EPHA6: variants seen among roughly 807,000 people sequenced by gnomAD.
The protein encoded by EPHA6 is ephrin type-A receptor 6.
Under a neutral mutation model 112.0 loss-of-function variants are expected in EPHA6, and 50 were observed. The observed-to-expected ratio is 0.45, with a 90% CI of 0.36 to 0.56. EPHA6 has a LOEUF of 0.56. Among genes scored for constraint, EPHA6 ranks in the 20% least tolerant of loss-of-function variants. The pLI is 0.00. For missense variants in EPHA6, 1,280 were observed against 1,417.4 expected (o/e 0.90, Z 1.56); for synonymous variants, 529 against 490.7 (o/e 1.08, Z -1.03).
chr3:97,239,250 G>T (rs1302076913), intron 4 of EPHA6, among the ~76,000 whole-genome samples: 5 of 151,830 alleles, frequency 3.3e-5, no homozygotes, highest in Non-Finnish European at 7.4e-5. Flanking sequence ...TTATTTAAGG[G>T]AGTCTCCTAT....
At chr3:96,820,257 T>C (rs2107214509) in intron 1 of EPHA6, among the ~76,000 whole-genome samples, 1 of 152,230 alleles carries the variant, frequency 6.6e-6, no homozygotes, top group East Asian at 1.9e-4. Flanking sequence ...AATTTTTATA[T>C]TATCCTAGAT....
In EPHA6 at chr3:96,899,304, A is replaced by G. The variant is rs572543602; in HGVS notation, c.450+32415A>G. Reference sequence around the variant, plus strand: ...TGTGTCTTCATACAGCCTTCTTATAAGGACATCAGTCATTGGACTTGGGGA... The same window carrying G: ...TGTGTCTTCATACAGCCTTCTTATAGGGACATCAGTCATTGGACTTGGGGA... On this transcript the variant is annotated intron_variant, in intron 2 of 17. Coordinates refer to ENST00000389672, the MANE Select transcript of EPHA6 (RefSeq NM_001080448.3). 1.1e-4 allele frequency among the ~76,000 whole-genome samples: 17 copies of G among 152,270 alleles called. No homozygotes were observed. The South Asian group carries it at 2.7e-3, about 24-fold the overall frequency.
chr3:97,001,711 G>C (rs945246845), intron 3 of EPHA6, among the ~76,000 whole-genome samples: 1 of 151,962 alleles, frequency 6.6e-6, no homozygotes, highest in East Asian at 1.9e-4. Flanking sequence ...CTGTAGAGTA[G>C]TGGTAAATTT....
chr3:97,216,102 C>T lies in EPHA6; in HGVS notation c.1115-10162C>T, dbSNP rs537273862. Among the ~76,000 whole-genome samples, 4 of 152,218 alleles carry T rather than the reference C, an allele frequency of 2.6e-5. No individual in the cohort carries two copies. The East Asian group carries it at 7.7e-4, about 29-fold the overall frequency. ...AAGAAGTACCTGAGATGGGTAATTTCTAAAGAAAAGAGTTTTAATTGGCTC... is the reference window on the plus strand; with the variant it reads ...AAGAAGTACCTGAGATGGGTAATTTTTAAAGAAAAGAGTTTTAATTGGCTC... On this transcript the variant is annotated intron_variant, in intron 3 of 17. Transcript: ENST00000389672.
intron 14 of EPHA6, among the ~76,000 whole-genome samples, chr3:97,668,423 C>G (rs1268851401): frequency 6.6e-6 from 1 of 152,156 alleles, no homozygotes. Context: ...CTCAGATTCA[C>G]TGCTTGAACC....
In EPHA6 at chr3:97,508,128, T is replaced by G. The variant is rs112345126; in HGVS notation, c.2200+24069T>G. 3.1e-4 allele frequency among the ~76,000 whole-genome samples: 46 copies of G among 149,314 alleles called. 1 individual carries two copies. In the East Asian group the frequency reaches 8.7e-3, roughly 28 times the overall value. Reference sequence around the variant, plus strand: ...AAAAACTGTCCCCTGGATTCATTGATTTTTTTTTGAAGTATTTTTTGTGTC... The same window carrying G: ...AAAAACTGTCCCCTGGATTCATTGAGTTTTTTTTGAAGTATTTTTTGTGTC... On this transcript the variant is annotated intron_variant, in intron 10 of 17. Transcript: ENST00000389672.
At chr3:96,973,824 C>CAA (rs374520473) in intron 2 of EPHA6, among the ~76,000 whole-genome samples, 8 of 52,692 alleles carry the variant, frequency 1.5e-4, no homozygotes, top group Admixed American at 4.2e-4. Flanking sequence ...GACTCCATAT[C>CAA]AAAAAAAAAA....
At chr3:96,951,840 T>G (rs2107722442) in intron 2 of EPHA6, among the ~76,000 whole-genome samples, 1 of 152,272 alleles carries the variant, frequency 6.6e-6, no homozygotes, top group South Asian at 2.1e-4. Context: ...ACTGAATATC[T>G]TAGGTCATAT....
intron 5 of EPHA6, among the ~76,000 whole-genome samples, chr3:97,320,192 A>C (rs371221173): frequency 4.3e-4 from 66 of 152,182 alleles, no homozygotes; most frequent in African/African-American, 1.6e-3. Context: ...AGAAATAGAC[A>C]GTTAGTATAA....
At chr3:97,381,211 T>C (rs558027446) in intron 5 of EPHA6, among the ~76,000 whole-genome samples, 1 of 152,212 alleles carries the variant, frequency 6.6e-6, no homozygotes, top group Admixed American at 6.5e-5. Flanking sequence ...AAAATAAACA[T>C]TTTCTCAAAA....
chr3:97,185,237 C>A (rs1162913302), intron 3 of EPHA6, among the ~76,000 whole-genome samples: 1 of 152,110 alleles, frequency 6.6e-6, no homozygotes, highest in Non-Finnish European at 1.5e-5. Flanking sequence ...AACTAAAGAG[C>A]TTCTGCACAG....
chr3:97,071,186 T>G (rs530144748), intron 3 of EPHA6, among the ~76,000 whole-genome samples: 2 of 152,092 alleles, frequency 1.3e-5, no homozygotes, highest in South Asian at 4.2e-4. Flanking sequence ...TATTCCTTCT[T>G]CAGCTTGCTA....
chr3:97,507,864 C>T (rs1284903864), intron 10 of EPHA6, among the ~76,000 whole-genome samples: 5 of 152,084 alleles, frequency 3.3e-5, no homozygotes, highest in Non-Finnish European at 5.9e-5. Context: ...TTCAGGGATT[C>T]GACTTCTTCC....
At chr3:97,600,616 T>C (rs1022995887) in intron 12 of EPHA6, among the ~76,000 whole-genome samples, 2 of 152,016 alleles carry the variant, frequency 1.3e-5, no homozygotes. Flanking sequence ...AAGGCTCTAC[T>C]CTCTTCCCCA....
chr3:96,831,116 A>G (rs924213832), intron 1 of EPHA6, among the ~76,000 whole-genome samples: 1 of 152,140 alleles, frequency 6.6e-6, no homozygotes, highest in Non-Finnish European at 1.5e-5. Flanking sequence ...TCAGAAGCTA[A>G]TAGTTATGAT....
At chr3:97,744,111 A>T (rs1313428533) in intron 16 of EPHA6, among the ~76,000 whole-genome samples, 7 of 152,076 alleles carry the variant, frequency 4.6e-5, no homozygotes, top group Non-Finnish European at 1.0e-4. Context: ...CCTTTCTATA[A>T]TCTAAATTAA....
intron 14 of EPHA6, among the ~76,000 whole-genome samples, chr3:97,685,387 C>T (rs1310158208): frequency 2.0e-5 from 3 of 152,142 alleles, no homozygotes; most frequent in African/African-American, 4.8e-5. Context: ...ATGAAGAAGT[C>T]ACTGTATCAG....
intron 14 of EPHA6, among the ~76,000 whole-genome samples, chr3:97,705,023 A>G (rs745990253): frequency 2.6e-5 from 4 of 152,156 alleles, no homozygotes; most frequent in Admixed American, 6.5e-5. Flanking sequence ...AACCAAACAA[A>G]AATGAAAATT....
intron 2 of EPHA6, among the ~76,000 whole-genome samples, chr3:96,895,931 C>T (rs889184836): frequency 6.6e-6 from 1 of 152,034 alleles, no homozygotes; most frequent in Non-Finnish European, 1.5e-5. Context: ...ACAGTAAGAC[C>T]ACGTACCTAT....
Sources: gnomAD v4.1 joint callset for allele counts (sites outside exome capture counted in the v4.1 genomes callset) on GRCh38, gnomAD v4.1.1 for gene constraint, MANE v1.5 for transcripts, NCBI Gene and HGNC (gene_info 2026-07-23, HGNC 2026-07-21) for gene names.